CALN1: variants seen among roughly 807,000 people sequenced by gnomAD.
CALN1 encodes calcium-binding protein 8.
Under a neutral mutation model 30.6 loss-of-function variants are expected in CALN1, and 17 were observed. The observed-to-expected ratio is 0.56, with a 90% CI of 0.38 to 0.83. CALN1 has a LOEUF of 0.83. CALN1 is among the 40% of genes least tolerant of loss of function. The pLI is 0.00. For missense variants in CALN1, 291 were observed against 354.9 expected, an observed-to-expected ratio of 0.82 and a Z score of 1.45; for synonymous variants, 156 against 131.4, an observed-to-expected ratio of 1.19 and a Z score of -1.28.
rs550959142 is a variant in CALN1, at chr7:72,278,445, CAT to C, written c.244+239_244+240del. On this transcript the variant is annotated intron_variant, in intron 3 of 6. Coordinates refer to ENST00000395275, the MANE Select transcript of CALN1 (RefSeq NM_031468.4). ...TATCCAAGGAAACCGAAATATCCAC[CAT>C]AGATTGCTCAGGCTATCAGGTCTGT... 1.9e-4 allele frequency among the ~76,000 whole-genome samples: 28 copies of C among 149,650 alleles called. 1 individual carries two copies. The East Asian group carries it at 5.5e-3, about 30-fold the overall frequency.
At chr7:72,421,778 C>T (rs1466567074) in intron 1 of CALN1, among the ~76,000 whole-genome samples, 1 of 151,728 alleles carries the variant, frequency 6.6e-6, no homozygotes, top group Non-Finnish European at 1.5e-5. Flanking sequence ...TTAGTAGAGA[C>T]AGGGTTTCAC....
chr7:72,069,561 A>C (rs1804250418), intron 4 of CALN1, among the ~76,000 whole-genome samples: 1 of 151,816 alleles, frequency 6.6e-6, no homozygotes, highest in South Asian at 2.1e-4. Context: ...CTCCATCTTC[A>C]CAAGGCCTTC....
the CALN1 span, among the ~76,000 whole-genome samples, chr7:72,469,550 C>T: frequency 6.6e-6 from 1 of 152,128 alleles, no homozygotes; most frequent in Admixed American, 6.6e-5. Flanking sequence ...GCACACACCA[C>T]CACGTCCAGC....
intron 3 of CALN1, among the ~76,000 whole-genome samples, chr7:72,190,979 T>C (rs1790554579): frequency 1.3e-5 from 2 of 152,244 alleles, no homozygotes; most frequent in African/African-American, 2.4e-5. Flanking sequence ...AATTCTGTTA[T>C]ATCTTTGGCA....
chr7:72,311,238 C>G (rs990201859), intron 2 of CALN1, among the ~76,000 whole-genome samples: 13 of 152,060 alleles, frequency 8.5e-5, no homozygotes, highest in African/African-American at 3.1e-4. Flanking sequence ...TCCTTAATAA[C>G]ATTTTCTTTT....
intron 3 of CALN1, among the ~76,000 whole-genome samples, chr7:72,170,928 G>A (rs1292867440): frequency 1.3e-5 from 2 of 152,154 alleles, no homozygotes; most frequent in East Asian, 1.9e-4. Context: ...AGGCCAAGGC[G>A]GGTGGATCAC....
intron 3 of CALN1, among the ~76,000 whole-genome samples, chr7:72,166,179 G>T (rs1183641694): frequency 6.6e-6 from 1 of 152,046 alleles, no homozygotes; most frequent in East Asian, 1.9e-4. Context: ...AAGGTGTTTT[G>T]CCCTGGTTCA....
At chr7:71,874,540 G>T (rs1792132024) in intron 5 of CALN1, among the ~76,000 whole-genome samples, 1 of 152,182 alleles carries the variant, frequency 6.6e-6, no homozygotes, top group Non-Finnish European at 1.5e-5. Flanking sequence ...GTGATTTAAA[G>T]CCACACTTGC....
intron 5 of CALN1, among the ~76,000 whole-genome samples, chr7:71,967,488 G>T (rs1207391426): frequency 6.6e-6 from 1 of 151,770 alleles, no homozygotes; most frequent in East Asian, 1.9e-4. Flanking sequence ...AATTAACTGA[G>T]CTCAGTGGTG....
At chr7:72,025,540 T>C (rs1334946783) in intron 4 of CALN1, among the ~76,000 whole-genome samples, 1 of 152,166 alleles carries the variant, frequency 6.6e-6, no homozygotes, top group African/African-American at 2.4e-5. Flanking sequence ...ATCTGCTGGA[T>C]CTTTCATGCT....
chr7:72,258,833 A>G (rs1796093427), intron 3 of CALN1, among the ~76,000 whole-genome samples: 1 of 151,576 alleles, frequency 6.6e-6, no homozygotes, highest in Non-Finnish European at 1.5e-5. Flanking sequence ...CGGGCAGATC[A>G]CCCAAGGTCA....
intron 3 of CALN1, among the ~76,000 whole-genome samples, chr7:72,107,688 A>G (rs557557866): frequency 7.9e-5 from 12 of 152,324 alleles, no homozygotes; most frequent in African/African-American, 2.6e-4. Flanking sequence ...CTTTTCATCA[A>G]TAAACCCAGT....
At chr7:72,022,236 C>G (rs144843279) in intron 5 of CALN1, among the ~76,000 whole-genome samples, 22 of 152,296 alleles carry the variant, frequency 1.4e-4, no homozygotes, top group Admixed American at 4.6e-4. Context: ...TCTATTGAAA[C>G]AAATAGTTAT....
intron 2 of CALN1, among the ~76,000 whole-genome samples, chr7:72,387,944 A>G (rs886847285): frequency 2.6e-5 from 4 of 152,138 alleles, no homozygotes; most frequent in African/African-American, 9.7e-5. Context: ...GATGAGAGGA[A>G]TAAGTTGTGT....
intron 6 of CALN1, among the ~76,000 whole-genome samples, chr7:71,806,797 T>G (rs1419301484): frequency 6.6e-6 from 1 of 152,128 alleles, no homozygotes; most frequent in Non-Finnish European, 1.5e-5. Flanking sequence ...ACAACCTCAA[T>G]TTTTCAGTCT....
At chr7:72,233,446 T>C (rs1301334103) in intron 3 of CALN1, among the ~76,000 whole-genome samples, 2 of 151,978 alleles carry the variant, frequency 1.3e-5, no homozygotes, top group Non-Finnish European at 2.9e-5. Context: ...CTGGGTACAA[T>C]GGCTCATGCC....
rs758129242 is a variant in CALN1 at position 72,190,843 on chromosome 7, A to AT, written c.245-84550dup. Among the ~76,000 whole-genome samples the AT allele has an allele frequency of 4.0e-3, 335 of 84,588 alleles. 3 individuals are homozygous for AT. Among genetic ancestry groups the AT allele is most frequent in the African/African-American group, 0.012 (301 of 24,210 alleles). The allele number at this position is 84,588 out of a possible 152,430, so 55.5% of individuals were successfully genotyped here. ...GCCTACATCTGTACATCGATTTATT[A>AT]TTATTTTTTTTCAGTTAAAAAATGT... On this transcript the variant is annotated intron_variant, in intron 3 of 6. Transcript: ENST00000395275.
At chr7:72,196,699 G>A (rs935175095) in intron 3 of CALN1, among the ~76,000 whole-genome samples, 2 of 152,194 alleles carry the variant, frequency 1.3e-5, no homozygotes, top group African/African-American at 2.4e-5. Context: ...GGGAGAAATC[G>A]GAATGCAAAT....
At position 72,020,813 on chromosome 7, in the gene CALN1, C is replaced by T. The variant is rs150435231; in HGVS notation, c.501+2844G>A. Among the ~76,000 whole-genome samples, 800 of 152,284 alleles carry T rather than the reference C, an allele frequency of 5.3e-3. 2 individuals carry two copies. The highest frequency in any genetic ancestry group is 8.4e-3 in the Non-Finnish European group (574 of 68,026). On this transcript the variant is annotated intron_variant, in intron 5 of 6. Coordinates refer to ENST00000395275, the MANE Select transcript of CALN1 (RefSeq NM_031468.4). Reference sequence around the variant, plus strand: ...GAGATATATTTCCTTGCAGTGTACACGCTCTACTGTGATGAACCTGGAAGA... The same window carrying T: ...GAGATATATTTCCTTGCAGTGTACATGCTCTACTGTGATGAACCTGGAAGA...
Sources: gnomAD v4.1 joint callset for allele counts (sites outside exome capture counted in the v4.1 genomes callset) on GRCh38, gnomAD v4.1.1 for gene constraint, MANE v1.5 for transcripts, NCBI Gene and HGNC (gene_info 2026-07-23, HGNC 2026-07-21) for gene names.